Variants in CDC42BPA observed in about 807,000 individuals in gnomAD.
The protein encoded by CDC42BPA is serine/threonine-protein kinase MRCK alpha.
A neutral mutation model predicts 223.5 loss-of-function variants in CDC42BPA; 80 were observed. The ratio of observed to expected loss-of-function variants is 0.36; its 90% CI spans 0.30 to 0.43. The LOEUF (loss-of-function observed/expected upper bound fraction) is 0.43. CDC42BPA is among the 20% of genes least tolerant of loss of function. CDC42BPA has a pLI of 1.00. For synonymous variants in CDC42BPA, 694 were observed against 718.6 expected, an observed-to-expected ratio of 0.97 and a Z score of 0.55; for missense variants, 1,743 against 2,099.9, an observed-to-expected ratio of 0.83 and a Z score of 3.32.
At chr1:227,188,388 A>C (rs1249295408) in intron 5 of CDC42BPA, among the ~76,000 whole-genome samples, 1 of 139,810 alleles carries the variant, frequency 7.2e-6, no homozygotes, top group Non-Finnish European at 1.5e-5. Flanking sequence ...TAGAAGTATA[A>C]TTGAAATGCT....
intron 9 of CDC42BPA, among the ~76,000 whole-genome samples, chr1:227,141,591 C>T (rs796193110): frequency 1.3e-5 from 2 of 152,128 alleles, no homozygotes; most frequent in Non-Finnish European, 2.9e-5. Flanking sequence ...TTGCCTCAAT[C>T]CTTTCAGTGA....
At chr1:227,207,361 CTTTT>C (rs1672958380) in intron 3 of CDC42BPA, among the ~76,000 whole-genome samples, 1 of 107,538 alleles carries the variant, frequency 9.3e-6, no homozygotes, top group Admixed American at 9.5e-5. Context: ...CTTTTTTTTT[CTTTT>C]TCTTTTTTTT....
At chr1:227,164,432 G>A (rs1004519090) in intron 5 of CDC42BPA, among the ~76,000 whole-genome samples, 2 of 152,098 alleles carry the variant, frequency 1.3e-5, no homozygotes, top group Admixed American at 1.3e-4. Context: ...ATATTCTTCA[G>A]TTATGAATTA....
chr1:227,276,016 GC>G (rs1246148322), intron 1 of CDC42BPA, among the ~76,000 whole-genome samples: 2 of 152,184 alleles, frequency 1.3e-5, no homozygotes, highest in Non-Finnish European at 2.9e-5. Context: ...CCTCTGCCCA[GC>G]CGCCACCCCC....
At chr1:227,035,149 T>A (rs889523343) in intron 25 of CDC42BPA, among the ~76,000 whole-genome samples, 1 of 152,188 alleles carries the variant, frequency 6.6e-6, no homozygotes, top group African/African-American at 2.4e-5. Flanking sequence ...CTACCCAAGA[T>A]AACAAGACTA....
At chr1:227,107,505 C>T (rs1237702447) in intron 14 of CDC42BPA, among the ~76,000 whole-genome samples, 2 of 152,132 alleles carry the variant, frequency 1.3e-5, no homozygotes, top group South Asian at 2.1e-4. Context: ...ACTGAAGTCT[C>T]GACCTCCGAA....
At chr1:227,239,986 ATCC>A (rs1045187209) in intron 2 of CDC42BPA, among the ~76,000 whole-genome samples, 4 of 152,156 alleles carry the variant, frequency 2.6e-5, no homozygotes, top group Non-Finnish European at 5.9e-5. Flanking sequence ...TATTCTGAAA[ATCC>A]TATTATCAGA....
chr1:226,999,045 G>C lies in CDC42BPA; in HGVS notation c.4976-4065C>G, dbSNP rs139094442. Among the ~76,000 whole-genome samples the C allele has an allele frequency of 3.2e-3, 485 of 152,202 alleles. 3 individuals carry two copies. Among genetic ancestry groups the C allele is most frequent in the African/African-American group, 0.011 (466 of 41,522 alleles). On this transcript the variant is annotated intron_variant, in intron 35 of 36. Transcript: ENST00000366766. ...GCGGCCAAGAAACATACAAAAAAAA[G>C]CTCATCATCACTGGTCATTAGAGAA...
In CDC42BPA at chr1:227,001,234, TTA is replaced by T. The variant is rs1339993264; in HGVS notation, c.4975+3758_4975+3759del. Reference sequence around the variant, plus strand: ...GGCTGGCTGTCCTTCTGGAAACATTTTATATGAGCTGGGCTAGTCTTGAAGCC... The same window carrying T: ...GGCTGGCTGTCCTTCTGGAAACATTTTATGAGCTGGGCTAGTCTTGAAGCC... On this transcript the variant is annotated intron_variant, in intron 35 of 36. Transcript: ENST00000366766. 2.6e-5 allele frequency among the ~76,000 whole-genome samples: 4 copies of T among 152,208 alleles called. No homozygotes were observed. The East Asian group carries it at 7.7e-4, about 29-fold the overall frequency.
chr1:227,305,205 C>T (rs1027199497), intron 1 of CDC42BPA, among the ~76,000 whole-genome samples: 1 of 152,144 alleles, frequency 6.6e-6, no homozygotes, highest in African/African-American at 2.4e-5. Flanking sequence ...TTATACTATA[C>T]TTGCAATGTT....
chr1:227,074,248 T>G lies in CDC42BPA; in HGVS notation c.2586+11A>C. On this transcript the variant is annotated intron_variant, in intron 18 of 36. Coordinates refer to ENST00000366766, the MANE Select transcript of CDC42BPA (RefSeq NM_001394014.1). ...TATGATAAGCCTCCATGCAAAATCA[T>G]AGAAGCTTACTGTTGCTCGTGTACC... 1 of 1,590,280 alleles carries G rather than the reference T, an allele frequency of 6.3e-7. No homozygotes were observed. The highest frequency in any genetic ancestry group is 1.1e-5 in the South Asian group (1 of 89,516).
intron 35 of CDC42BPA, among the ~76,000 whole-genome samples, chr1:226,996,555 G>A (rs1194059308): frequency 6.6e-6 from 1 of 152,068 alleles, no homozygotes; most frequent in African/African-American, 2.4e-5. Flanking sequence ...GTTTTCAAAG[G>A]GAATGCTTCC....
At chr1:227,304,732 T>C (rs1692263585) in intron 1 of CDC42BPA, among the ~76,000 whole-genome samples, 4 of 152,312 alleles carry the variant, frequency 2.6e-5, no homozygotes, top group Admixed American at 2.6e-4. Flanking sequence ...ATCAAAGTTA[T>C]GGTTTAATTA....
At chr1:227,006,960 A>AACAACAACG (rs1430709411) in intron 34 of CDC42BPA, among the ~76,000 whole-genome samples, 1 of 151,414 alleles carries the variant, frequency 6.6e-6, no homozygotes, top group African/African-American at 2.4e-5. Flanking sequence ...CAACAACAAC[A>AACAACAACG]ACAACAACAA....
chr1:227,011,091 A>ATTTCTCTCTCCTGATTCCAT, intron 34 of CDC42BPA: 1 of 1,236,874 alleles, frequency 8.1e-7, no homozygotes, highest in Non-Finnish European at 1.1e-6. Context: ...AAGATGAAAA[A>ATTTCTCTCTCCTGATTCCAT]AGGCAATAAG....
At chr1:227,172,833 A>T (rs1259192267) in intron 5 of CDC42BPA, among the ~76,000 whole-genome samples, 2 of 152,222 alleles carry the variant, frequency 1.3e-5, no homozygotes. Context: ...GTTATATATT[A>T]ACATGTCTTT....
chr1:227,315,819 A>AT (rs1041001637), intron 1 of CDC42BPA, among the ~76,000 whole-genome samples: 6 of 152,080 alleles, frequency 3.9e-5, no homozygotes, highest in African/African-American at 1.2e-4. Context: ...ACATTTACAT[A>AT]TTTTTTTAAA....
At chr1:227,254,577 CATTT>C (rs1477931163) in intron 1 of CDC42BPA, among the ~76,000 whole-genome samples, 8 of 152,320 alleles carry the variant, frequency 5.3e-5, no homozygotes, top group African/African-American at 7.2e-5. Context: ...CACGCTCATT[CATTT>C]GTTCCTTTAA....
chr1:227,299,726 AACAAAATAAATGACCC>A (rs1284895175), intron 1 of CDC42BPA, among the ~76,000 whole-genome samples: 1 of 152,184 alleles, frequency 6.6e-6, no homozygotes, highest in Non-Finnish European at 1.5e-5. Context: ...TGCAATCATG[AACAAAATAAATGACCC>A]ACAGTCTGGA....
Sources: allele counts gnomAD v4.1 joint callset (sites outside exome capture counted in the v4.1 genomes callset), GRCh38; gene constraint gnomAD v4.1.1; transcripts MANE v1.5; gene names NCBI Gene and HGNC (gene_info 2026-07-23, HGNC 2026-07-21).